The following KAZN variants were observed in gnomAD, a reference collection of about 807,000 sequenced individuals.
The protein encoded by KAZN is kazrin, periplakin interacting protein, also known as kazrin.
In KAZN, 40 loss-of-function variants were observed where a neutral mutation model predicts 87.4. The observed-to-expected ratio is 0.46, with a 90% CI of 0.36 to 0.60. KAZN has a LOEUF of 0.60. KAZN is among the 20% of genes least tolerant of loss of function. The pLI is 0.00. For synonymous variants in KAZN, 466 were observed against 458.3 expected, an observed-to-expected ratio of 1.02 and a Z score of -0.22; for missense variants, 898 against 1,073.9, an observed-to-expected ratio of 0.84 and a Z score of 2.29.
intron 2 of KAZN, among the ~76,000 whole-genome samples, chr1:14,446,217 T>A (rs1265430795): frequency 6.6e-6 from 1 of 151,946 alleles, no homozygotes; most frequent in East Asian, 1.9e-4. Flanking sequence ...AAAGAATTGG[T>A]TGACATTACT....
chr1:14,269,196 T>C (rs1651728714), intron 2 of KAZN, among the ~76,000 whole-genome samples: 1 of 152,146 alleles, frequency 6.6e-6, no homozygotes, highest in South Asian at 2.1e-4. Flanking sequence ...TATTACAATT[T>C]CATGGTTTTC....
intron 2 of KAZN, among the ~76,000 whole-genome samples, chr1:14,435,910 A>G (rs1469359324): frequency 1.3e-5 from 2 of 152,284 alleles, no homozygotes; most frequent in African/African-American, 4.8e-5. Context: ...GGGTGACTCT[A>G]TGTGGAGCGT....
intron 2 of KAZN, among the ~76,000 whole-genome samples, chr1:14,571,104 A>G (rs1674836936): frequency 6.6e-6 from 1 of 152,202 alleles, no homozygotes; most frequent in Non-Finnish European, 1.5e-5. Context: ...ATGCCCTATG[A>G]CAAAAACCCT....
chr1:14,219,910 C>A (rs751228978), intron 2 of KAZN, among the ~76,000 whole-genome samples: 1 of 152,182 alleles, frequency 6.6e-6, no homozygotes, highest in Non-Finnish European at 1.5e-5. Flanking sequence ...ATGACTGAAA[C>A]CCACTGTCTG....
chr1:15,032,478 C>A (rs12759745), intron 2 of KAZN, among the ~76,000 whole-genome samples: 26,374 of 151,760 alleles, frequency 0.17, 2,655 homozygotes, highest in African/African-American at 0.26. Flanking sequence ...AGGCATGAGC[C>A]ACCGCGCCCA....
intron 1 of KAZN, among the ~76,000 whole-genome samples, chr1:14,772,263 G>C (rs1210681278): frequency 6.6e-6 from 1 of 152,008 alleles, no homozygotes; most frequent in South Asian, 2.1e-4. Flanking sequence ...CAGGAGGATC[G>C]CTTGAGCCCA....
chr1:14,045,460 A>G (rs6668874), intron 1 of KAZN, among the ~76,000 whole-genome samples: 26,470 of 152,234 alleles, frequency 0.17, 2,705 homozygotes, highest in Non-Finnish European at 0.24. Context: ...CTTAAATTCC[A>G]TAACCCAATT....
chr1:14,746,715 TG>T (rs1423142698), intron 1 of KAZN, among the ~76,000 whole-genome samples: 3 of 152,062 alleles, frequency 2.0e-5, no homozygotes, highest in African/African-American at 4.8e-5. Flanking sequence ...TGTCAAAATA[TG>T]GGGTGTGGGT....
intron 1 of KAZN, among the ~76,000 whole-genome samples, chr1:14,751,034 C>A (rs1254137480): frequency 1.3e-5 from 2 of 152,176 alleles, no homozygotes; most frequent in Non-Finnish European, 2.9e-5. Context: ...TATAACATGA[C>A]CTAGACTCTG....
intron 2 of KAZN, among the ~76,000 whole-genome samples, chr1:14,367,063 C>G (rs1217443656): frequency 2.0e-5 from 3 of 152,318 alleles, no homozygotes; most frequent in South Asian, 4.1e-4. Flanking sequence ...AACCCTGTCT[C>G]TACTAAAATA....
intron 1 of KAZN, among the ~76,000 whole-genome samples, chr1:14,606,941 G>C (rs1370875234): frequency 6.6e-6 from 1 of 152,186 alleles, no homozygotes; most frequent in African/African-American, 2.4e-5. Context: ...TTATGCAGTG[G>C]TGTTAGGGGA....
chr1:14,854,126 G>A lies in KAZN; in HGVS notation c.227-106558G>A, dbSNP rs558746806. Reference sequence around the variant, plus strand: ...CATGACAACCCTAGACCTACCCCCCGGTTAGATCATCTGGCCCTTTGTGAG... The same window carrying A: ...CATGACAACCCTAGACCTACCCCCCAGTTAGATCATCTGGCCCTTTGTGAG... On this transcript the variant is annotated intron_variant, in intron 1 of 14. Transcript: ENST00000376030. 5.9e-4 allele frequency among the ~76,000 whole-genome samples: 90 copies of A among 152,198 alleles called. 2 individuals carry two copies. In the South Asian group the frequency reaches 0.015, roughly 26 times the overall value.
intron 3 of KAZN, among the ~76,000 whole-genome samples, chr1:15,035,109 C>T (rs942128206): frequency 2.6e-5 from 4 of 151,822 alleles, no homozygotes; most frequent in African/African-American, 7.3e-5. Flanking sequence ...CTCAGGAGTC[C>T]GGGGGGTTCA....
intron 13 of KAZN, among the ~76,000 whole-genome samples, chr1:15,106,706 G>A (rs116171968): frequency 0.014 from 2,108 of 152,160 alleles, 48 homozygotes; most frequent in African/African-American, 0.048. Context: ...CCAATATGAC[G>A]TCATCTCTAG....
chr1:14,417,848 T>C (rs1664933051), intron 2 of KAZN, among the ~76,000 whole-genome samples: 1 of 150,814 alleles, frequency 6.6e-6, no homozygotes, highest in South Asian at 2.1e-4. Context: ...TAGAAAAAAT[T>C]AGCCGGGCGT....
At chr1:13,925,827 C>T (rs1640251380) in intron 1 of KAZN, among the ~76,000 whole-genome samples, 1 of 152,160 alleles carries the variant, frequency 6.6e-6, no homozygotes, top group African/African-American at 2.4e-5. Flanking sequence ...ATGAATTGGA[C>T]TCAAGCACTG....
chr1:14,144,266 G>C (rs1645299579), intron 1 of KAZN, among the ~76,000 whole-genome samples: 1 of 152,098 alleles, frequency 6.6e-6, no homozygotes, highest in Admixed American at 6.5e-5. Context: ...CTCTGCGTTA[G>C]ATCCCTTGTT....
At chr1:14,113,914 G>A (rs1043664946) in intron 1 of KAZN, among the ~76,000 whole-genome samples, 6 of 152,178 alleles carry the variant, frequency 3.9e-5, no homozygotes, top group Admixed American at 2.0e-4. Flanking sequence ...GTGTGTGGCC[G>A]TCTGAAATTA....
chr1:15,007,840 A>G (rs1009806543), intron 2 of KAZN, among the ~76,000 whole-genome samples: 1 of 152,178 alleles, frequency 6.6e-6, no homozygotes, highest in Non-Finnish European at 1.5e-5. Context: ...TGATTTGCAT[A>G]AGGAGTTTTT....
Sources: allele counts gnomAD v4.1 joint callset (sites outside exome capture counted in the v4.1 genomes callset), GRCh38; gene constraint gnomAD v4.1.1; transcripts MANE v1.5; gene names NCBI Gene and HGNC (gene_info 2026-07-23, HGNC 2026-07-21).